NRXN3: variants seen among roughly 807,000 people sequenced by gnomAD.
NRXN3 encodes the protein neurexin III.
A neutral mutation model predicts 137.6 loss-of-function variants in NRXN3; 32 were observed. That is an observed-to-expected ratio of 0.23 (90% CI 0.18 to 0.31). The LOEUF (loss-of-function observed/expected upper bound fraction) is 0.31, where lower values mean the gene tolerates loss of function less well. Among genes scored for constraint, NRXN3 ranks in the 10% least tolerant of loss-of-function variants. NRXN3 has a pLI of 1.00. For synonymous variants in NRXN3, 798 were observed against 784.5 expected, an observed-to-expected ratio of 1.02 and a Z score of -0.29; for missense variants, 1,574 against 2,062.5, an observed-to-expected ratio of 0.76 and a Z score of 4.59.
intron 19 of NRXN3, among the ~76,000 whole-genome samples, chr14:79,747,620 G>A (rs2098983583): frequency 6.6e-6 from 1 of 152,090 alleles, no homozygotes; most frequent in Non-Finnish European, 1.5e-5. Context: ...GCCTAACTCA[G>A]CCAATTGATG....
intron 15 of NRXN3, among the ~76,000 whole-genome samples, chr14:79,307,121 T>C (rs187478159): frequency 4.1e-4 from 62 of 152,272 alleles, no homozygotes; most frequent in African/African-American, 1.5e-3. Context: ...ATGTTAGCAA[T>C]GCACCAAAGC....
chr14:79,624,292 C>G (rs1336978627), intron 16 of NRXN3, among the ~76,000 whole-genome samples: 1 of 152,178 alleles, frequency 6.6e-6, no homozygotes, highest in Non-Finnish European at 1.5e-5. Context: ...AAGGTATCAA[C>G]ATGATATCTT....
intron 19 of NRXN3, among the ~76,000 whole-genome samples, chr14:79,766,475 G>A (rs1387514699): frequency 6.6e-6 from 1 of 152,176 alleles, no homozygotes; most frequent in Non-Finnish European, 1.5e-5. Flanking sequence ...GGTGGCAAGA[G>A]CCAAGTCTTC....
intron 4 of NRXN3, among the ~76,000 whole-genome samples, chr14:78,553,533 G>C (rs1398927318): frequency 6.6e-6 from 1 of 152,176 alleles, no homozygotes; most frequent in African/African-American, 2.4e-5. Context: ...TCCCCTCTCA[G>C]AGTTGTAGAA....
chr14:79,817,517 C>T (rs2099255393), intron 20 of NRXN3, among the ~76,000 whole-genome samples: 1 of 152,180 alleles, frequency 6.6e-6, no homozygotes, highest in African/African-American at 2.4e-5. Context: ...AAGTACTTCA[C>T]ATTGTTAACT....
intron 8 of NRXN3, among the ~76,000 whole-genome samples, chr14:78,727,042 C>T (rs1214304232): frequency 1.3e-5 from 2 of 150,326 alleles, no homozygotes; most frequent in Non-Finnish European, 3.0e-5. Flanking sequence ...AAGCTAAAAC[C>T]CTTCTCTACA....
At chr14:78,254,227 C>G (rs1009964544) in intron 2 of NRXN3, among the ~76,000 whole-genome samples, 1 of 152,158 alleles carries the variant, frequency 6.6e-6, no homozygotes, top group Non-Finnish European at 1.5e-5. Flanking sequence ...TTCTGGGGAG[C>G]TTGCACTGTG....
chr14:78,203,590 G>T (rs1215126617), intron 1 of NRXN3, among the ~76,000 whole-genome samples: 1 of 152,194 alleles, frequency 6.6e-6, no homozygotes, highest in African/African-American at 2.4e-5. Context: ...ATCCACCTGT[G>T]TTCGGAAACC....
intron 15 of NRXN3, among the ~76,000 whole-genome samples, chr14:79,296,064 G>A (rs753520874): frequency 1.4e-4 from 21 of 152,142 alleles, no homozygotes; most frequent in Admixed American, 2.0e-4. Flanking sequence ...TATTAAACAT[G>A]TAACATTGCA....
rs1267736192 is a variant in NRXN3, at chr14:78,686,772, C to G, written c.1222-22445C>G. On this transcript the variant is annotated intron_variant, in intron 6 of 20. Transcript: ENST00000335750. Reference sequence around the variant, plus strand: ...GGGAACACTGAAGTCTCAGCAGAACCCTTGATGCTTGGGAAAGTAGAAATA... The same window carrying G: ...GGGAACACTGAAGTCTCAGCAGAACGCTTGATGCTTGGGAAAGTAGAAATA... Among the ~76,000 whole-genome samples the G allele has an allele frequency of 5.3e-5, 8 of 152,202 alleles. No individual in the cohort carries two copies. The East Asian group carries it at 9.6e-4, about 18-fold the overall frequency.
At chr14:78,388,310 A>C (rs550938372) in intron 4 of NRXN3, among the ~76,000 whole-genome samples, 2 of 152,334 alleles carry the variant, frequency 1.3e-5, no homozygotes, top group African/African-American at 4.8e-5. Context: ...CTGCAGGAAA[A>C]TGGAGCCTAC....
At chr14:78,652,049 T>C (rs997923860) in intron 6 of NRXN3, among the ~76,000 whole-genome samples, 8 of 152,190 alleles carry the variant, frequency 5.3e-5, no homozygotes, top group African/African-American at 1.4e-4. Flanking sequence ...AAAGTTTGAT[T>C]TTGTGATTTT....
chr14:78,326,121 A>G (rs900285723), intron 4 of NRXN3, among the ~76,000 whole-genome samples: 1 of 152,216 alleles, frequency 6.6e-6, no homozygotes, highest in Admixed American at 6.5e-5. Context: ...AGAATGCAGG[A>G]GTTTTACTGA....
intron 17 of NRXN3, among the ~76,000 whole-genome samples, chr14:79,677,975 T>C (rs1185324880): frequency 6.6e-6 from 1 of 152,218 alleles, no homozygotes; most frequent in African/African-American, 2.4e-5. Context: ...AAAGTAAATC[T>C]AGCTTATTCT....
intron 15 of NRXN3, among the ~76,000 whole-genome samples, chr14:79,048,456 T>C (rs2099636315): frequency 1.3e-5 from 2 of 152,190 alleles, no homozygotes; most frequent in Non-Finnish European, 2.9e-5. Context: ...TTGACACCGA[T>C]TGGCACACAG....
chr14:78,601,708 C>A (rs1438866034), intron 4 of NRXN3, among the ~76,000 whole-genome samples: 1 of 152,136 alleles, frequency 6.6e-6, no homozygotes, highest in Non-Finnish European at 1.5e-5. Context: ...CCCACCTCGG[C>A]CTCCCAAAGT....
chr14:79,672,009 GC>G (rs1160717824), intron 17 of NRXN3, among the ~76,000 whole-genome samples: 5 of 152,136 alleles, frequency 3.3e-5, no homozygotes, highest in Admixed American at 3.3e-4. Flanking sequence ...ACACAAAGGA[GC>G]TTTTTATAAT....
intron 4 of NRXN3, among the ~76,000 whole-genome samples, chr14:78,424,430 A>G (rs2093581848): frequency 6.6e-6 from 1 of 152,196 alleles, no homozygotes; most frequent in Non-Finnish European, 1.5e-5. Context: ...ATCAGGAAGT[A>G]TCTGGACAGA....
intron 6 of NRXN3, among the ~76,000 whole-genome samples, chr14:78,692,966 C>T (rs2098187207): frequency 6.6e-6 from 1 of 151,726 alleles, no homozygotes; most frequent in Non-Finnish European, 1.5e-5. Context: ...GTCTGCAGTC[C>T]CAGCTACTCA....
Sources: gnomAD v4.1 joint callset for allele counts (sites outside exome capture counted in the v4.1 genomes callset) on GRCh38, gnomAD v4.1.1 for gene constraint, MANE v1.5 for transcripts, NCBI Gene and HGNC (gene_info 2026-07-23, HGNC 2026-07-21) for gene names.